The following SLC9A9 variants were observed in gnomAD, a reference collection of about 807,000 sequenced individuals.
SLC9A9 encodes sodium/hydrogen exchanger 9.
SLC9A9 carries 62 observed loss-of-function variants against 77.8 expected under a neutral mutation model. The observed-to-expected ratio is 0.80, with a 90% CI of 0.65 to 0.98. The LOEUF (loss-of-function observed/expected upper bound fraction) is 0.98, where lower values mean the gene tolerates loss of function less well. Among genes scored for constraint, SLC9A9 ranks in the 50% least tolerant of loss-of-function variants. The pLI, the probability that SLC9A9 is intolerant of heterozygous loss-of-function variation, is 0.00. For synonymous variants in SLC9A9, 320 were observed against 283.5 expected (o/e 1.13, Z -1.29); for missense variants, 775 against 774.9 (o/e 1.00, Z 0.00).
intron 6 of SLC9A9, among the ~76,000 whole-genome samples, chr3:143,646,829 C>T (rs2038715127): frequency 6.6e-6 from 1 of 152,118 alleles, no homozygotes; most frequent in Non-Finnish European, 1.5e-5. Context: ...ATTCCCAAAC[C>T]CTGACTTACT....
chr3:143,772,467 G>T lies in SLC9A9; in HGVS notation c.533+22534C>A, dbSNP rs944131289. 1.3e-5 allele frequency among the ~76,000 whole-genome samples: 2 copies of T among 152,184 alleles called. 1 individual carries two copies. Among genetic ancestry groups the T allele is most frequent in the Admixed American group, 1.3e-4 (2 of 15,274 alleles). ...TCAAGTACAGATATTTGGGAAGGAA[G>T]GTTCTAGTTAGAAGTGCCTCAAATT... On this transcript the variant is annotated intron_variant, in intron 4 of 15. Transcript: ENST00000316549.
At chr3:143,564,458 T>C (rs1010747929) in intron 8 of SLC9A9, among the ~76,000 whole-genome samples, 3 of 152,142 alleles carry the variant, frequency 2.0e-5, no homozygotes, top group Non-Finnish European at 4.4e-5. Context: ...TGCACTCAGA[T>C]GGTCCTCTGA....
chr3:143,524,865 T>C (rs542070922), intron 9 of SLC9A9, among the ~76,000 whole-genome samples: 1 of 152,346 alleles, frequency 6.6e-6, no homozygotes, highest in South Asian at 2.1e-4. Flanking sequence ...CCTGTTTTGC[T>C]TCTTTGTACA....
At chr3:143,638,901 G>A (rs2038574017) in intron 6 of SLC9A9, among the ~76,000 whole-genome samples, 1 of 152,194 alleles carries the variant, frequency 6.6e-6, no homozygotes, top group African/African-American at 2.4e-5. Context: ...CAAGTAATAT[G>A]AGCAGATTAT....
chr3:143,812,833 T>A (rs771192170), intron 2 of SLC9A9, among the ~76,000 whole-genome samples: 17 of 152,194 alleles, frequency 1.1e-4, no homozygotes, highest in Non-Finnish European at 2.4e-4. Context: ...ATCATTGACC[T>A]AAAAAGCCAC....
At chr3:143,522,442 C>A (rs185581657) in intron 9 of SLC9A9, among the ~76,000 whole-genome samples, 2 of 152,156 alleles carry the variant, frequency 1.3e-5, no homozygotes, top group African/African-American at 4.8e-5. Context: ...ATATGGCCAC[C>A]ACAACTTCTC....
At chr3:143,548,127 G>T (rs1043625922) in intron 9 of SLC9A9, among the ~76,000 whole-genome samples, 1 of 152,200 alleles carries the variant, frequency 6.6e-6, no homozygotes, top group African/African-American at 2.4e-5. Flanking sequence ...ATGTGTATCT[G>T]TTGGAAATAA....
chr3:143,551,206 G>A (rs550556245), intron 9 of SLC9A9, among the ~76,000 whole-genome samples: 1 of 152,276 alleles, frequency 6.6e-6, no homozygotes, highest in Non-Finnish European at 1.5e-5. Flanking sequence ...AAGAGAGAGA[G>A]AGATAGAACA....
At chr3:143,664,984 C>T (rs1361639720) in intron 5 of SLC9A9, among the ~76,000 whole-genome samples, 1 of 152,198 alleles carries the variant, frequency 6.6e-6, no homozygotes, top group East Asian at 1.9e-4. Context: ...ACCAAGTGGA[C>T]CTAATAGACA....
chr3:143,743,768 C>T (rs993609980), intron 4 of SLC9A9, among the ~76,000 whole-genome samples: 3 of 152,182 alleles, frequency 2.0e-5, no homozygotes, highest in Non-Finnish European at 2.9e-5. Flanking sequence ...GTTAAGTTGA[C>T]ACCTAAAATG....
At chr3:143,312,021 A>C (rs1029694455) in intron 14 of SLC9A9, among the ~76,000 whole-genome samples, 43 of 152,386 alleles carry the variant, frequency 2.8e-4, no homozygotes, top group African/African-American at 9.9e-4. Context: ...CAAAGCATTA[A>C]GCTCAGATTT....
At chr3:143,407,048 G>A (rs542189122) in intron 12 of SLC9A9, among the ~76,000 whole-genome samples, 3 of 151,608 alleles carry the variant, frequency 2.0e-5, no homozygotes, top group Admixed American at 6.6e-5. Context: ...AAGATTAATG[G>A]TACTACCTAG....
chr3:143,726,380 G>A (rs540911163), intron 4 of SLC9A9, among the ~76,000 whole-genome samples: 85 of 152,208 alleles, frequency 5.6e-4, no homozygotes, highest in African/African-American at 2.0e-3. Flanking sequence ...GATTGACATG[G>A]TATTTAAATG....
At chr3:143,821,451 C>T (rs1468730675) in intron 2 of SLC9A9, among the ~76,000 whole-genome samples, 1 of 152,186 alleles carries the variant, frequency 6.6e-6, no homozygotes, top group Non-Finnish European at 1.5e-5. Context: ...TTATGCACTT[C>T]GCCATGTGAT....
At chr3:143,725,978 A>C (rs1934640231) in intron 4 of SLC9A9, among the ~76,000 whole-genome samples, 1 of 152,142 alleles carries the variant, frequency 6.6e-6, no homozygotes, top group Non-Finnish European at 1.5e-5. Flanking sequence ...TTTATAAATG[A>C]GTCACCTTAC....
chr3:143,537,261 G>T (rs1425947292), intron 9 of SLC9A9, among the ~76,000 whole-genome samples: 1 of 152,240 alleles, frequency 6.6e-6, no homozygotes, highest in Admixed American at 6.5e-5. Context: ...CCTGGGCATG[G>T]AGCCCGGGTA....
At chr3:143,664,860 A>T (rs1404167409) in intron 5 of SLC9A9, among the ~76,000 whole-genome samples, 1 of 152,208 alleles carries the variant, frequency 6.6e-6, no homozygotes, top group Non-Finnish European at 1.5e-5. Context: ...ATACAAAGAG[A>T]CTTAGACTCC....
intron 5 of SLC9A9, among the ~76,000 whole-genome samples, chr3:143,671,725 A>T (rs929008350): frequency 1.3e-5 from 2 of 152,206 alleles, no homozygotes; most frequent in Admixed American, 1.3e-4. Context: ...AAATACAGCC[A>T]AGTACTGTTA....
At chr3:143,814,581 A>G (rs903827120) in intron 2 of SLC9A9, among the ~76,000 whole-genome samples, 1 of 152,218 alleles carries the variant, frequency 6.6e-6, no homozygotes, top group Non-Finnish European at 1.5e-5. Context: ...TGCTGAGTGA[A>G]ATTGAAACTT....
Sources: gnomAD v4.1 joint callset for allele counts (sites outside exome capture counted in the v4.1 genomes callset) on GRCh38, gnomAD v4.1.1 for gene constraint, MANE v1.5 for transcripts, NCBI Gene and HGNC (gene_info 2026-07-23, HGNC 2026-07-21) for gene names.